The following DCAF6 variants were observed in gnomAD, a reference collection of about 807,000 sequenced individuals.
The protein encoded by DCAF6 is DDB1 and CUL4 associated factor 6.
A neutral mutation model predicts 125.1 loss-of-function variants in DCAF6; 54 were observed. The ratio of observed to expected loss-of-function variants is 0.43; its 90% CI spans 0.35 to 0.54. DCAF6 has a LOEUF of 0.54. Ranked by LOEUF, DCAF6 falls within the 20% of genes least tolerant of loss-of-function variation. DCAF6 has a pLI of 0.01. For synonymous variants in DCAF6, 371 were observed against 390.4 expected, an observed-to-expected ratio of 0.95 and a Z score of 0.58; for missense variants, 934 against 1,161.7, an observed-to-expected ratio of 0.80 and a Z score of 2.85.
chr1:167,892,685 A>G, the DCAF6 span, among the ~76,000 whole-genome samples: 3 of 152,178 alleles, frequency 2.0e-5, no homozygotes, highest in Non-Finnish European at 4.4e-5. Context: ...AATGGGCTGA[A>G]GGTGGCAGGG....
chr1:168,044,518 T>A (rs1688920784), intron 14 of DCAF6, 67 bp from the exon 15 acceptor site: 1 of 1,152,716 alleles, frequency 8.7e-7, no homozygotes, highest in Admixed American at 1.8e-5. Context: ...ATTTTGGTAT[T>A]TTCAGCGATT....
chr1:168,070,471 G>C (rs2102010999), intron 21 of DCAF6, among the ~76,000 whole-genome samples: 1 of 152,068 alleles, frequency 6.6e-6, no homozygotes, highest in South Asian at 2.1e-4. Flanking sequence ...ACTCCAGAAG[G>C]CTTCCTAGGA....
intron 12 of DCAF6, among the ~76,000 whole-genome samples, chr1:168,037,104 CTTT>C (rs60135464): frequency 6.9e-5 from 9 of 130,034 alleles, no homozygotes; most frequent in African/African-American, 1.3e-4. Flanking sequence ...TCTCCCCCCC[CTTT>C]TTTTTTTTTT....
chr1:167,908,454 C>T, the DCAF6 span, among the ~76,000 whole-genome samples: 14 of 151,974 alleles, frequency 9.2e-5, no homozygotes, highest in South Asian at 8.3e-4. Flanking sequence ...TTCAATTAGA[C>T]CCAATGAAAA....
chr1:167,940,506 A>T (rs1557868356), intron 1 of DCAF6, among the ~76,000 whole-genome samples: 1 of 146,166 alleles, frequency 6.8e-6, no homozygotes, highest in Non-Finnish European at 1.5e-5. Context: ...GCCTCCTGGA[A>T]TTTTTTTTTT....
At chr1:167,964,908 C>G (rs989404664) in intron 2 of DCAF6, among the ~76,000 whole-genome samples, 1 of 152,078 alleles carries the variant, frequency 6.6e-6, no homozygotes, top group Non-Finnish European at 1.5e-5. Flanking sequence ...TTAGGATTTC[C>G]GTCTCTCTGC....
At chr1:167,895,053 G>A in the DCAF6 span, among the ~76,000 whole-genome samples, 4 of 151,898 alleles carry the variant, frequency 2.6e-5, no homozygotes, top group African/African-American at 7.3e-5. Flanking sequence ...GTGGTGGCAC[G>A]CCTCTGTATT....
At chr1:167,895,839 G>A in the DCAF6 span, among the ~76,000 whole-genome samples, 3 of 152,224 alleles carry the variant, frequency 2.0e-5, no homozygotes, top group African/African-American at 4.8e-5. Flanking sequence ...TAAGAAGTGA[G>A]TAGAGAAGAC....
chr1:168,051,085 C>G (rs1689866368), intron 17 of DCAF6, among the ~76,000 whole-genome samples, 152 bp downstream of exon 17: 3 of 152,160 alleles, frequency 2.0e-5, no homozygotes, highest in African/African-American at 7.2e-5. Flanking sequence ...AGGTCGCTTT[C>G]CACAAACTAT....
At chr1:167,867,467 A>G in the DCAF6 span, among the ~76,000 whole-genome samples, 1 of 152,226 alleles carries the variant, frequency 6.6e-6, no homozygotes, top group Non-Finnish European at 1.5e-5. Context: ...AAAGATTGCT[A>G]CAGTCCTATT....
At chr1:167,993,467 T>C in intron 7 of DCAF6, 27 bp downstream of exon 7, 1 of 1,601,120 alleles carries the variant, frequency 6.2e-7, no homozygotes, top group Non-Finnish European at 8.6e-7. Flanking sequence ...CCATGTCCTT[T>C]GGCCGGGCGC....
At chr1:168,038,640 G>A (rs1462264077) in intron 13 of DCAF6, 152 bp downstream of exon 13, 3 of 538,662 alleles carry the variant, frequency 5.6e-6, no homozygotes, top group Non-Finnish European at 9.8e-6. Flanking sequence ...GGGAGAGCTT[G>A]TTAAGATGCA....
At chr1:167,922,465 G>A in the DCAF6 span, among the ~76,000 whole-genome samples, 1 of 151,948 alleles carries the variant, frequency 6.6e-6, no homozygotes. Context: ...GAATACTTCA[G>A]CAATCAATTC....
At chr1:167,914,909 C>T in the DCAF6 span, among the ~76,000 whole-genome samples, 4 of 152,176 alleles carry the variant, frequency 2.6e-5, no homozygotes, top group Non-Finnish European at 4.4e-5. Flanking sequence ...GGGAGGAAAA[C>T]AAGAGGGTCA....
At chr1:167,946,481 A>T (rs930730436) in intron 1 of DCAF6, among the ~76,000 whole-genome samples, 2 of 152,160 alleles carry the variant, frequency 1.3e-5, no homozygotes, top group African/African-American at 4.8e-5. Context: ...TCTTTTCCCT[A>T]TTCAGTATGA....
the DCAF6 span, among the ~76,000 whole-genome samples, chr1:167,871,579 G>A: frequency 6.6e-6 from 1 of 152,184 alleles, no homozygotes; most frequent in Non-Finnish European, 1.5e-5. Flanking sequence ...CAAAAAAGTT[G>A]GAGACTCATT....
At chr1:167,876,654 A>G in the DCAF6 span, among the ~76,000 whole-genome samples, 3 of 152,190 alleles carry the variant, frequency 2.0e-5, no homozygotes, top group Non-Finnish European at 4.4e-5. Flanking sequence ...GTACAGAAAA[A>G]TCATGAAGAG....
chr1:168,056,670 A>G (rs1338062555), intron 17 of DCAF6, among the ~76,000 whole-genome samples: 1 of 152,378 alleles, frequency 6.6e-6, no homozygotes, highest in East Asian at 1.9e-4. Context: ...GATTCACAAG[A>G]ACCTGTAGCG....
At chr1:167,971,935 A>G (rs548122932) in intron 3 of DCAF6, among the ~76,000 whole-genome samples, 21 of 152,008 alleles carry the variant, frequency 1.4e-4, no homozygotes, top group Non-Finnish European at 2.5e-4. Context: ...AGCTCACTGC[A>G]ACCTCCACCT....
Sources: gnomAD v4.1 joint callset for allele counts (sites outside exome capture counted in the v4.1 genomes callset) on GRCh38, gnomAD v4.1.1 for gene constraint, MANE v1.5 for transcripts, NCBI Gene and HGNC (gene_info 2026-07-23, HGNC 2026-07-21) for gene names.